Variants in IPO11 observed in about 807,000 individuals in gnomAD.
IPO11 encodes importin 11, also known as importin-11.
A neutral mutation model predicts 143.2 loss-of-function variants in IPO11; 66 were observed. The ratio of observed to expected loss-of-function variants is 0.46; its 90% CI spans 0.38 to 0.57. The LOEUF is 0.57. IPO11 is among the 20% of genes least tolerant of loss of function. The probability of loss-of-function intolerance (pLI) is 0.00; values close to 1 mark genes in which losing one functional copy is unlikely to be tolerated. For missense variants in IPO11, 1,026 were observed against 1,141.0 expected (o/e 0.90, Z 1.45); for synonymous variants, 385 against 377.8 (o/e 1.02, Z -0.22).
intron 27 of IPO11, among the ~76,000 whole-genome samples, chr5:62,572,916 G>A (rs1222448561): frequency 2.0e-5 from 3 of 152,024 alleles, no homozygotes; most frequent in African/African-American, 7.3e-5. Flanking sequence ...TATGAAGTTT[G>A]GTCACTGCAC....
At chr5:62,421,767 T>C (rs1262111188) in intron 1 of IPO11, among the ~76,000 whole-genome samples, 1 of 152,230 alleles carries the variant, frequency 6.6e-6, no homozygotes, top group African/African-American at 2.4e-5. Context: ...AAATGTAGAA[T>C]AGTGATTAAC....
intron 22 of IPO11, among the ~76,000 whole-genome samples, chr5:62,534,072 G>A (rs1036312669): frequency 6.6e-6 from 1 of 152,066 alleles, no homozygotes; most frequent in Non-Finnish European, 1.5e-5. Flanking sequence ...CGTTAATTAA[G>A]TATGAATATA....
chr5:62,591,257 T>C lies in IPO11; in HGVS notation c.2583-320T>C, dbSNP rs539671491. Among the ~76,000 whole-genome samples, 4 of 152,320 alleles carry C rather than the reference T, an allele frequency of 2.6e-5. No individual in the cohort carries two copies. The East Asian group carries it at 7.7e-4, about 29-fold the overall frequency. The stretch of plus-strand genomic sequence containing the variant: ...CAGTGTCATTAGAAGAGCAGAAATT[T>C]TTACTTGTCAATACTCTATGTCTTT... On this transcript the variant is annotated intron_variant, in intron 27 of 29. Coordinates refer to ENST00000325324, the MANE Select transcript of IPO11 (RefSeq NM_016338.5).
At chr5:62,553,215 C>CT (rs1743450507) in intron 26 of IPO11, among the ~76,000 whole-genome samples, 5 of 152,136 alleles carry the variant, frequency 3.3e-5, no homozygotes, top group Admixed American at 1.3e-4. Context: ...TAGTATTTCT[C>CT]TTTCTGTTCC....
chr5:62,459,768 C>T (rs148837872), intron 5 of IPO11, among the ~76,000 whole-genome samples: 2 of 152,244 alleles, frequency 1.3e-5, no homozygotes, highest in African/African-American at 4.8e-5. Context: ...CCAGGCTGGT[C>T]ACGAACTCCT....
chr5:62,462,369 G>T (rs1315160977), intron 5 of IPO11, among the ~76,000 whole-genome samples: 3 of 151,490 alleles, frequency 2.0e-5, no homozygotes, highest in African/African-American at 7.3e-5. Context: ...TTTATTCTTT[G>T]TTTTGTAGGT....
Position 62,487,804 on chromosome 5 carries a change from C to T in IPO11, c.1252C>T (p.His418Tyr). 1 of 1,607,786 alleles carries T rather than the reference C, an allele frequency of 6.2e-7. No individual in the cohort carries two copies. The highest frequency in any genetic ancestry group is 1.1e-5 in the South Asian group (1 of 89,396). Residue 418 changes from histidine to tyrosine, a missense_variant, in exon 13 of 30, where the codon CAT becomes TAT. By Grantham distance (83) the His-to-Tyr change is moderately conservative (BLOSUM62 2). Transcript: ENST00000325324. ...TGAAGTATTATTTATAGATATATTC[C>T]ATGAATATAATCAGACTCTTACTCC... The part of the protein sequence containing the change: ...CTEVLFIDIF[H>Y]EYNQTLTPVL...
intron 1 of IPO11, among the ~76,000 whole-genome samples, chr5:62,435,339 G>T (rs1744180893): frequency 6.6e-6 from 1 of 150,740 alleles, no homozygotes; most frequent in Non-Finnish European, 1.5e-5. Flanking sequence ...CATGGCTCAT[G>T]CCTGTAATCC....
rs1210671428 is a variant in IPO11 at position 62,526,282 on chromosome 5, G to A, written c.2012+25G>A. The A allele has an allele frequency of 2.0e-6, 3 of 1,474,172 alleles. No individual in the cohort carries two copies. The South Asian group carries it at 3.4e-5, about 17-fold the overall frequency. 91.3% of individuals were successfully genotyped at this position (1,474,172 alleles called of 1,614,324 possible). ...GGTAAGAGGAAAAACTTAATACCAT[G>A]GATCTTATTTTATTCGTGACCTTTC... On this transcript the variant is annotated intron_variant, in intron 21 of 29. Coordinates refer to ENST00000325324, the MANE Select transcript of IPO11 (RefSeq NM_016338.5).
At chr5:62,596,689 CATCTGTATATT>C (rs1745234291) in intron 28 of IPO11, among the ~76,000 whole-genome samples, 1 of 152,148 alleles carries the variant, frequency 6.6e-6, no homozygotes, top group African/African-American at 2.4e-5. Flanking sequence ...TGGATTCTGA[CATCTGTATATT>C]ATCTTAACTT....
intron 1 of IPO11, among the ~76,000 whole-genome samples, chr5:62,414,763 T>G (rs1743229456): frequency 6.6e-6 from 1 of 152,220 alleles, no homozygotes; most frequent in Non-Finnish European, 1.5e-5. Flanking sequence ...ATGAAAGGAA[T>G]GTTCAATAAA....
chr5:62,439,284 G>GTTTTTTTTTTT (rs1226593063), intron 2 of IPO11, among the ~76,000 whole-genome samples: 3 of 90,924 alleles, frequency 3.3e-5, no homozygotes, highest in Non-Finnish European at 4.0e-5. Context: ...AACTGCGTAG[G>GTTTTTTTTTTT]TTTTTTTTTT....
At chr5:62,455,279 G>A (rs142312377) in intron 5 of IPO11, among the ~76,000 whole-genome samples, 133 of 152,256 alleles carry the variant, frequency 8.7e-4, no homozygotes, top group African/African-American at 3.1e-3. Flanking sequence ...CCCAGCACTG[G>A]GAGGCCGTGG....
At chr5:62,434,273 A>G (rs1238157488) in intron 1 of IPO11, among the ~76,000 whole-genome samples, 1 of 151,886 alleles carries the variant, frequency 6.6e-6, no homozygotes, top group Admixed American at 6.6e-5. Context: ...ACCCAGTCTA[A>G]AGTGACACAC....
intron 22 of IPO11, among the ~76,000 whole-genome samples, chr5:62,534,828 C>T (rs1742679988): frequency 6.6e-6 from 1 of 152,080 alleles, no homozygotes; most frequent in African/African-American, 2.4e-5. Flanking sequence ...TGACTGCGAA[C>T]CATAGACATA....
At chr5:62,492,316 TGTCACTTG>T (rs1561333212) in intron 15 of IPO11, among the ~76,000 whole-genome samples, 1 of 152,234 alleles carries the variant, frequency 6.6e-6, no homozygotes, top group African/African-American at 2.4e-5. Flanking sequence ...CTTCTGCCTC[TGTCACTTG>T]GTTCAAACAG....
Position 62,580,478 on chromosome 5 carries a change from C to T in IPO11, c.2583-11099C>T, listed in dbSNP as rs770109617. 19 of 1,551,330 alleles carry T rather than the reference C, an allele frequency of 1.2e-5. No homozygotes were observed. Among genetic ancestry groups the T allele is most frequent in the South Asian group, 9.5e-5 (8 of 84,046 alleles). ...GCCTTGCATCCAAGGGTCCTTAAGC[C>T]GTTGTCTTCATTGATTCATCTTCAG... is the stretch of plus-strand genomic sequence containing the variant. On this transcript the variant is annotated intron_variant, in intron 27 of 29. Coordinates refer to ENST00000325324, the MANE Select transcript of IPO11 (RefSeq NM_016338.5).
intron 27 of IPO11, among the ~76,000 whole-genome samples, chr5:62,574,259 G>A (rs183745616): frequency 6.6e-6 from 1 of 152,216 alleles, no homozygotes; most frequent in East Asian, 1.9e-4. Flanking sequence ...CTCTCTCATA[G>A]CCTTATTAAA....
intron 22 of IPO11, among the ~76,000 whole-genome samples, chr5:62,536,330 A>G (rs1444238732): frequency 3.3e-5 from 5 of 152,096 alleles, no homozygotes; most frequent in Non-Finnish European, 7.4e-5. Flanking sequence ...TGAAAGGAAA[A>G]TATATGGGGA....
Sources: allele counts gnomAD v4.1 joint callset (sites outside exome capture counted in the v4.1 genomes callset), GRCh38; gene constraint gnomAD v4.1.1; transcripts MANE v1.5; gene names NCBI Gene and HGNC (gene_info 2026-07-23, HGNC 2026-07-21).